Variants in MAP2K6 observed in about 807,000 individuals in gnomAD.
MAP2K6 encodes mitogen-activated protein kinase kinase 6, also known as dual specificity mitogen-activated protein kinase kinase 6.
In MAP2K6, 16 loss-of-function variants were observed where a neutral mutation model predicts 53.7. The ratio of observed to expected loss-of-function variants is 0.30; its 90% CI spans 0.20 to 0.45. The LOEUF (loss-of-function observed/expected upper bound fraction) is 0.45, where lower values mean the gene tolerates loss of function less well. MAP2K6 is among the 20% of genes least tolerant of loss of function. The pLI is 1.00. For synonymous variants in MAP2K6, 132 were observed against 143.1 expected (o/e 0.92, Z 0.55); for missense variants, 204 against 411.9 (o/e 0.50, Z 4.37).
At chr17:69,459,861 T>A (rs960582320) in intron 1 of MAP2K6, among the ~76,000 whole-genome samples, 1 of 151,464 alleles carries the variant, frequency 6.6e-6, no homozygotes, top group African/African-American at 2.4e-5. Context: ...CTCCCTTTCC[T>A]TCATCCTGCC....
At chr17:69,520,013 A>G in intron 5 of MAP2K6, 1 of 412,244 alleles carries the variant, frequency 2.4e-6, no homozygotes, top group South Asian at 3.3e-5. Context: ...GTCTGTTAGT[A>G]ATTAGATTCC....
At chr17:69,492,686 TCTC>T (rs1156505739) in intron 1 of MAP2K6, among the ~76,000 whole-genome samples, 2 of 152,126 alleles carry the variant, frequency 1.3e-5, no homozygotes, top group Non-Finnish European at 2.9e-5. Flanking sequence ...CGCCTCTCCT[TCTC>T]CTCTCTGGGT....
chr17:69,428,895 CTGGA>C (rs1906360158), intron 1 of MAP2K6, among the ~76,000 whole-genome samples: 4 of 139,194 alleles, frequency 2.9e-5, no homozygotes, highest in Non-Finnish European at 6.1e-5. Flanking sequence ...TAATGACAGA[CTGGA>C]TGGTTCTAAA....
At chr17:69,465,863 C>T (rs1907780277) in intron 1 of MAP2K6, among the ~76,000 whole-genome samples, 1 of 151,390 alleles carries the variant, frequency 6.6e-6, no homozygotes, top group Admixed American at 6.6e-5. Context: ...AGGTGATCTG[C>T]CCGCCTTGGC....
At chr17:69,417,342 A>T (rs1435669063) in intron 1 of MAP2K6, among the ~76,000 whole-genome samples, 1 of 152,200 alleles carries the variant, frequency 6.6e-6, no homozygotes, top group Non-Finnish European at 1.5e-5. Flanking sequence ...GAATTTAACA[A>T]TATGTTCAAT....
At chr17:69,504,050 T>A (rs192138497) in intron 1 of MAP2K6, among the ~76,000 whole-genome samples, 2 of 152,166 alleles carry the variant, frequency 1.3e-5, no homozygotes, top group Non-Finnish European at 2.9e-5. Flanking sequence ...CACCTGGGTG[T>A]CAGGAGACCT....
At chr17:69,473,558 T>C (rs1425924101) in intron 1 of MAP2K6, among the ~76,000 whole-genome samples, 1 of 152,190 alleles carries the variant, frequency 6.6e-6, no homozygotes, top group East Asian at 1.9e-4. Flanking sequence ...TATTTTCTTT[T>C]TGAACTCAGG....
At chr17:69,441,641 C>T (rs903887121) in intron 1 of MAP2K6, among the ~76,000 whole-genome samples, 1 of 152,096 alleles carries the variant, frequency 6.6e-6, no homozygotes, top group African/African-American at 2.4e-5. Context: ...TTGAGATGTT[C>T]CTATTTCTTG....
intron 2 of MAP2K6, among the ~76,000 whole-genome samples, chr17:69,509,423 G>T (rs1346424531): frequency 6.6e-6 from 1 of 152,082 alleles, no homozygotes. Context: ...AAATGCAATA[G>T]ATTTTTTCTG....
chr17:69,471,403 A>G (rs1283742929), intron 1 of MAP2K6, among the ~76,000 whole-genome samples: 1 of 152,212 alleles, frequency 6.6e-6, no homozygotes, highest in East Asian at 1.9e-4. Flanking sequence ...CCATTATCCT[A>G]AGTGAAGTAA....
intron 4 of MAP2K6, 72 bp downstream of exon 4, chr17:69,517,685 C>A: frequency 3.9e-6 from 4 of 1,017,136 alleles, no homozygotes; most frequent in South Asian, 2.3e-5. Context: ...TGTCAACCAG[C>A]CCTTTTAATA....
At position 69,496,658 on chromosome 17, in the gene MAP2K6, C is replaced by T. The variant is rs1002795983; in HGVS notation, c.17-9122C>T. Among the ~76,000 whole-genome samples, 5 of 152,140 alleles carry T rather than the reference C, an allele frequency of 3.3e-5. No homozygotes were observed. The South Asian group carries it at 6.2e-4, about 19-fold the overall frequency. ...TGCTGGGATTACAGGCATAAGGCACCGCACCTGGCCACCTTCTTTCATTCT... is the reference window on the plus strand; with the variant it reads ...TGCTGGGATTACAGGCATAAGGCACTGCACCTGGCCACCTTCTTTCATTCT... On this transcript the variant is annotated intron_variant, in intron 1 of 11. Transcript: ENST00000590474.
chr17:69,459,310 A>G (rs1351365088), intron 1 of MAP2K6, among the ~76,000 whole-genome samples: 1 of 152,184 alleles, frequency 6.6e-6, no homozygotes, highest in Non-Finnish European at 1.5e-5. Context: ...GTTTTCTGGA[A>G]TGCACCCATA....
At chr17:69,456,227 T>C (rs1390917573) in intron 1 of MAP2K6, among the ~76,000 whole-genome samples, 3 of 152,174 alleles carry the variant, frequency 2.0e-5, no homozygotes, top group African/African-American at 4.8e-5. Flanking sequence ...TCCTGTTTAG[T>C]GGACCTTCTA....
chr17:69,443,298 C>G (rs9910030), intron 1 of MAP2K6, among the ~76,000 whole-genome samples: 13,734 of 152,156 alleles, frequency 0.09, 1,040 homozygotes, highest in East Asian at 0.43. Context: ...CTGTGAACTT[C>G]CTTTGAACTT....
intron 1 of MAP2K6, among the ~76,000 whole-genome samples, chr17:69,493,692 C>G (rs1402369227): frequency 6.6e-6 from 1 of 151,678 alleles, no homozygotes; most frequent in Non-Finnish European, 1.5e-5. Flanking sequence ...ACCCGGGAGA[C>G]AGAGGTTGCA....
intron 1 of MAP2K6, among the ~76,000 whole-genome samples, chr17:69,492,414 T>C (rs1353610449): frequency 6.6e-6 from 1 of 152,220 alleles, no homozygotes; most frequent in Non-Finnish European, 1.5e-5. Context: ...GGGAGTCCTT[T>C]CCCCAGTGTT....
chr17:69,531,901 C>CAG (rs1911101741), intron 10 of MAP2K6, among the ~76,000 whole-genome samples: 1 of 152,138 alleles, frequency 6.6e-6, no homozygotes, highest in South Asian at 2.1e-4. Context: ...TCTAGTCCTG[C>CAG]AGAAGGGTTA....
At chr17:69,539,542 C>T (rs183979003) in intron 11 of MAP2K6, among the ~76,000 whole-genome samples, 69 of 152,292 alleles carry the variant, frequency 4.5e-4, no homozygotes, top group African/African-American at 1.6e-3. Context: ...TTTCCCCTCC[C>T]CCTGCCCTTC....
Sources: gnomAD v4.1 joint callset for allele counts (sites outside exome capture counted in the v4.1 genomes callset) on GRCh38, gnomAD v4.1.1 for gene constraint, MANE v1.5 for transcripts, NCBI Gene and HGNC (gene_info 2026-07-23, HGNC 2026-07-21) for gene names.